Variants in NRXN3 observed in about 807,000 individuals in gnomAD.
The protein encoded by NRXN3 is neurexin III.
Under a neutral mutation model 137.6 loss-of-function variants are expected in NRXN3, and 32 were observed. The ratio of observed to expected loss-of-function variants is 0.23; its 90% CI spans 0.18 to 0.31. The LOEUF (loss-of-function observed/expected upper bound fraction) is 0.31, where lower values mean the gene tolerates loss of function less well. Among genes scored for constraint, NRXN3 ranks in the 10% least tolerant of loss-of-function variants. NRXN3 has a pLI of 1.00. For missense variants in NRXN3, 1,574 were observed against 2,062.5 expected (o/e 0.76, Z 4.59); for synonymous variants, 798 against 784.5 (o/e 1.02, Z -0.29).
intron 15 of NRXN3, among the ~76,000 whole-genome samples, chr14:79,412,682 C>T (rs1228224969): frequency 6.9e-6 from 1 of 145,366 alleles, no homozygotes; most frequent in Non-Finnish European, 1.5e-5. Flanking sequence ...ACTAGGGAGG[C>T]TAAGGCAATA....
At chr14:79,186,422 A>G (rs934399372) in intron 15 of NRXN3, among the ~76,000 whole-genome samples, 2 of 152,242 alleles carry the variant, frequency 1.3e-5, no homozygotes, top group Admixed American at 1.3e-4. Context: ...TGAATCACCC[A>G]CTAACATCTC....
chr14:79,804,181 G>A (rs987791002), intron 19 of NRXN3, among the ~76,000 whole-genome samples: 1 of 151,742 alleles, frequency 6.6e-6, no homozygotes, highest in Non-Finnish European at 1.5e-5. Context: ...GAGCATTATT[G>A]AACTATAATA....
chr14:79,201,904 C>T (rs908033897), intron 15 of NRXN3, among the ~76,000 whole-genome samples: 5 of 152,132 alleles, frequency 3.3e-5, no homozygotes, highest in Non-Finnish European at 7.4e-5. Flanking sequence ...TATTACTATC[C>T]TTATTGTACA....
Position 79,134,703 on chromosome 14 carries a change from G to A in NRXN3, c.3262+146562G>A, listed in dbSNP as rs539503526. ...TTCATTTTCAAATTATCCTTTTGAG[G>A]AAAATATAAAGGAGTAATCCCATTA... On this transcript the variant is annotated intron_variant, in intron 15 of 20. Coordinates refer to ENST00000335750, the MANE Select transcript of NRXN3 (RefSeq NM_001330195.2). Among the ~76,000 whole-genome samples the A allele has an allele frequency of 2.0e-5, 3 of 152,218 alleles. No individual in the cohort carries two copies. The East Asian group carries it at 5.8e-4, about 29-fold the overall frequency.
At chr14:79,664,100 T>C in intron 17 of NRXN3, 151 bp downstream of exon 17, 1 of 815,064 alleles carries the variant, frequency 1.2e-6, no homozygotes, top group Non-Finnish European at 1.9e-6. Context: ...AAGTCATCTC[T>C]TTAGGACTTG....
intron 1 of NRXN3, among the ~76,000 whole-genome samples, chr14:78,182,353 T>G (rs2059886351): frequency 6.6e-6 from 1 of 152,106 alleles, no homozygotes; most frequent in South Asian, 2.1e-4. Flanking sequence ...GAGATGTTTT[T>G]GCTGAGAACT....
At chr14:78,912,616 A>G (rs1301093102) in intron 10 of NRXN3, among the ~76,000 whole-genome samples, 5 of 152,136 alleles carry the variant, frequency 3.3e-5, no homozygotes, top group African/African-American at 1.2e-4. Context: ...CGCAGATAGT[A>G]TGTTCAAAAG....
rs5809961 is a variant in NRXN3, at chr14:79,821,668, C to CTTTT, written c.4093+16492_4093+16495dup. On this transcript the variant is annotated intron_variant, in intron 20 of 20. Coordinates refer to ENST00000335750, the MANE Select transcript of NRXN3 (RefSeq NM_001330195.2). ...TTCCAAATTCCCCTAAAGCTAAGAC[C>CTTTT]TTTTTTTTTTTTTTTTTGCATGTCT... Among the ~76,000 whole-genome samples the CTTTT allele has an allele frequency of 1.6e-3, 192 of 121,452 alleles. 2 individuals carry two copies. The highest frequency in any genetic ancestry group is 2.6e-3 in the Non-Finnish European group (156 of 60,398). The allele number at this position is 121,452 out of a possible 152,430, so 79.7% of individuals were successfully genotyped here.
intron 1 of NRXN3, among the ~76,000 whole-genome samples, chr14:78,177,140 C>T (rs373030557): frequency 8.5e-5 from 13 of 152,110 alleles, no homozygotes; most frequent in East Asian, 5.8e-4. Context: ...TGGATGCTGA[C>T]GACTCTGGGA....
intron 4 of NRXN3, among the ~76,000 whole-genome samples, chr14:78,515,766 TGAGGGGAAAAGAAAAAGATA>T (rs1472246980): frequency 1.3e-5 from 2 of 151,878 alleles, no homozygotes; most frequent in Admixed American, 1.3e-4. Flanking sequence ...AAAGATAATT[TGAGGGGAAAAGAAAAAGATA>T]GAATGTGACT....
intron 20 of NRXN3, among the ~76,000 whole-genome samples, chr14:79,837,080 C>T (rs574621304): frequency 1.3e-5 from 2 of 152,194 alleles, no homozygotes; most frequent in South Asian, 4.1e-4. Context: ...CTAAGACTTA[C>T]CAAGCTAGGG....
In NRXN3 at chr14:78,965,808, G is replaced by A. The variant is rs535382296; in HGVS notation, c.2396-217G>A. 9.2e-5 allele frequency among the ~76,000 whole-genome samples: 14 copies of A among 152,246 alleles called. No individual in the cohort carries two copies. The South Asian group carries it at 2.5e-3, about 27-fold the overall frequency. ...CCTCATATTTCCCCTTATATGATGA[G>A]CCGTGCTGAGCAGCTGCGTGACAGC... On this transcript the variant is annotated intron_variant, in intron 11 of 20. Transcript: ENST00000335750.
chr14:79,524,084 C>A (rs1190120905), intron 16 of NRXN3, among the ~76,000 whole-genome samples: 1 of 152,102 alleles, frequency 6.6e-6, no homozygotes, highest in East Asian at 1.9e-4. Flanking sequence ...AACTATCTTG[C>A]GGAGGAGAGG....
intron 8 of NRXN3, chr14:78,745,116 A>G (rs1488422046): frequency 2.0e-5 from 3 of 152,240 alleles, no homozygotes; most frequent in Non-Finnish European, 4.4e-5. Context: ...CATGACTTGC[A>G]CTTGTACTTT....
At position 79,129,424 on chromosome 14, in the gene NRXN3, T is replaced by G. The variant is rs1196923863; in HGVS notation, c.3262+141283T>G. Among the ~76,000 whole-genome samples, 5 of 151,334 alleles carry G rather than the reference T, an allele frequency of 3.3e-5. No individual in the cohort carries two copies. The East Asian group carries it at 9.7e-4, about 29-fold the overall frequency. The stretch of plus-strand genomic sequence containing the variant: ...AAGAACATGTTTATTTCTGCCTTCA[T>G]TTCGTTATGTACCCAGTAGTCATTC... On this transcript the variant is annotated intron_variant, in intron 15 of 20. Coordinates refer to ENST00000335750, the MANE Select transcript of NRXN3 (RefSeq NM_001330195.2).
At chr14:78,923,093 C>A (rs1416463266) in intron 10 of NRXN3, among the ~76,000 whole-genome samples, 1 of 152,054 alleles carries the variant, frequency 6.6e-6, no homozygotes, top group Non-Finnish European at 1.5e-5. Flanking sequence ...TTTTCTGGAC[C>A]CCTCTTTCTC....
intron 10 of NRXN3, among the ~76,000 whole-genome samples, chr14:78,871,860 C>T (rs1186431800): frequency 6.6e-6 from 1 of 151,986 alleles, no homozygotes; most frequent in African/African-American, 2.4e-5. Context: ...GCTGTATTGC[C>T]CTGGTTATAT....
chr14:79,461,116 T>A (rs1173408906), intron 15 of NRXN3, among the ~76,000 whole-genome samples: 4 of 152,200 alleles, frequency 2.6e-5, no homozygotes, highest in Non-Finnish European at 5.9e-5. Flanking sequence ...TTTTTCCATC[T>A]GTTATTCACC....
chr14:79,594,368 C>A (rs2097841730), intron 16 of NRXN3, among the ~76,000 whole-genome samples: 1 of 152,024 alleles, frequency 6.6e-6, no homozygotes, highest in Non-Finnish European at 1.5e-5. Flanking sequence ...GTCACTGATA[C>A]TAATCAGAGC....
Sources: gnomAD v4.1 joint callset for allele counts (sites outside exome capture counted in the v4.1 genomes callset) on GRCh38, gnomAD v4.1.1 for gene constraint, MANE v1.5 for transcripts, NCBI Gene and HGNC (gene_info 2026-07-23, HGNC 2026-07-21) for gene names.